The following DGKB variants were observed in gnomAD, a reference collection of about 807,000 sequenced individuals.
The protein encoded by DGKB is diacylglycerol kinase beta.
Under a neutral mutation model 114.3 loss-of-function variants are expected in DGKB, and 67 were observed. The ratio of observed to expected loss-of-function variants is 0.59; its 90% CI spans 0.48 to 0.72. The LOEUF is 0.72. Among genes scored for constraint, DGKB ranks in the 30% least tolerant of loss-of-function variants. The probability of loss-of-function intolerance (pLI) is 0.00; values close to 1 mark genes in which losing one functional copy is unlikely to be tolerated. For missense variants in DGKB, 907 were observed against 975.2 expected (o/e 0.93, Z 0.93); for synonymous variants, 398 against 323.1 (o/e 1.23, Z -2.49).
chr7:14,828,731 G>T (rs1187954490), intron 2 of DGKB, among the ~76,000 whole-genome samples: 1 of 152,134 alleles, frequency 6.6e-6, no homozygotes, highest in Non-Finnish European at 1.5e-5. Context: ...TAAAGTTTCT[G>T]CATTAACAGA....
chr7:14,684,894 G>T (rs1821409812), intron 10 of DGKB, among the ~76,000 whole-genome samples: 1 of 151,870 alleles, frequency 6.6e-6, no homozygotes, highest in Non-Finnish European at 1.5e-5. Context: ...TCACTAACAT[G>T]TGGGGAGGGG....
At chr7:14,333,835 A>G (rs1810174363) in intron 23 of DGKB, among the ~76,000 whole-genome samples, 2 of 152,202 alleles carry the variant, frequency 1.3e-5, no homozygotes, top group South Asian at 2.1e-4. Context: ...TCATGACATA[A>G]TGATACTTGC....
At chr7:14,169,187 GTC>G (rs1302279894) in intron 25 of DGKB, among the ~76,000 whole-genome samples, 1 of 134,394 alleles carries the variant, frequency 7.4e-6, no homozygotes, top group Non-Finnish European at 1.6e-5. Context: ...GTGAAACCCA[GTC>G]TCTACTAAAA....
intron 5 of DGKB, among the ~76,000 whole-genome samples, chr7:14,725,557 AT>A (rs113491345): frequency 2.2e-3 from 325 of 145,444 alleles, no homozygotes; most frequent in Middle Eastern, 7.2e-3. Flanking sequence ...GGATATGTTG[AT>A]TTTTTTTTTT....
chr7:14,155,273 G>A (rs564970862), intron 25 of DGKB, among the ~76,000 whole-genome samples: 6 of 152,162 alleles, frequency 3.9e-5, no homozygotes, highest in Admixed American at 6.6e-5. Flanking sequence ...TATTGTTAAT[G>A]TACTAGGTAC....
At chr7:14,574,745 C>T (rs1304018345) in intron 19 of DGKB, among the ~76,000 whole-genome samples, 1 of 152,132 alleles carries the variant, frequency 6.6e-6, no homozygotes. Context: ...CATCCTCTAC[C>T]CAGCTGCTAA....
At chr7:14,463,045 G>A (rs4272263) in intron 21 of DGKB, among the ~76,000 whole-genome samples, 66,078 of 151,928 alleles carry the variant, frequency 0.43, 14,827 homozygotes, top group African/African-American at 0.52. Flanking sequence ...CCATATGCAG[G>A]AAACTGAAAC....
intron 1 of DGKB, among the ~76,000 whole-genome samples, chr7:14,916,499 T>C (rs1784246492): frequency 6.6e-6 from 1 of 152,114 alleles, no homozygotes; most frequent in Non-Finnish European, 1.5e-5. Flanking sequence ...GGATTAACTG[T>C]ATTAATTTCA....
chr7:14,854,536 C>T (rs912991496), intron 1 of DGKB, among the ~76,000 whole-genome samples: 9 of 152,166 alleles, frequency 5.9e-5, no homozygotes, highest in African/African-American at 1.9e-4. Flanking sequence ...ATAAGGAGTA[C>T]ATAACCTAGA....
At chr7:14,515,871 G>A (rs1408396370) in intron 20 of DGKB, among the ~76,000 whole-genome samples, 1 of 152,096 alleles carries the variant, frequency 6.6e-6, no homozygotes, top group African/African-American at 2.4e-5. Flanking sequence ...TGAGAGAAAG[G>A]TCTTGCTCTG....
intron 20 of DGKB, among the ~76,000 whole-genome samples, chr7:14,526,719 A>T (rs1328327052): frequency 1.3e-5 from 2 of 152,196 alleles, no homozygotes; most frequent in South Asian, 2.1e-4. Context: ...ATGCATTTTC[A>T]TCAGACTGAT....
intron 23 of DGKB, among the ~76,000 whole-genome samples, chr7:14,329,879 G>A (rs1296830516): frequency 6.6e-6 from 1 of 151,890 alleles, no homozygotes; most frequent in African/African-American, 2.4e-5. Flanking sequence ...TGTTTTATAT[G>A]TCTACCACTG....
rs368578062 is a variant in DGKB, at chr7:14,285,182, T to C, written c.2122+53333A>G. On this transcript the variant is annotated intron_variant, in intron 23 of 25. Transcript: ENST00000402815. The stretch of plus-strand genomic sequence containing the variant: ...CCTATTTCCTAATATATGCATCTCA[T>C]TGATTTGACCATATAGGTATACTCT... Among the ~76,000 whole-genome samples the C allele has an allele frequency of 1.7e-4, 26 of 152,288 alleles. No homozygotes were observed. In the East Asian group the frequency reaches 4.4e-3, roughly 26 times the overall value.
chr7:14,561,841 G>A (rs114772106), intron 20 of DGKB, among the ~76,000 whole-genome samples: 2,943 of 152,304 alleles, frequency 0.019, 76 homozygotes, highest in African/African-American at 0.067. Flanking sequence ...TCCATTTTCG[G>A]GGGAGAAATT....
Position 14,351,863 on chromosome 7 carries a change from G to A in DGKB, c.1836-6472C>T, listed in dbSNP as rs369053254. On this transcript the variant is annotated intron_variant, in intron 21 of 25. Transcript: ENST00000402815. ...GAAAGAACTCCATTTTATTTAAACCGCTAAACTCAGGCTTTTTTGTTCACA... is the reference window on the plus strand; with the variant it reads ...GAAAGAACTCCATTTTATTTAAACCACTAAACTCAGGCTTTTTTGTTCACA... Among the ~76,000 whole-genome samples, 61 of 152,044 alleles carry A rather than the reference G, an allele frequency of 4.0e-4. No homozygotes were observed. The South Asian group carries it at 0.011, about 28-fold the overall frequency.
At chr7:14,778,356 G>T (rs1838532590) in intron 2 of DGKB, among the ~76,000 whole-genome samples, 1 of 150,478 alleles carries the variant, frequency 6.6e-6, no homozygotes, top group Non-Finnish European at 1.5e-5. Context: ...CTGTTTTCTT[G>T]TTTTTTTTTC....
At chr7:14,809,127 GT>G (rs890493428) in intron 2 of DGKB, among the ~76,000 whole-genome samples, 4 of 152,132 alleles carry the variant, frequency 2.6e-5, no homozygotes, top group African/African-American at 9.6e-5. Flanking sequence ...TATAAAACAA[GT>G]TTAAAAAAGC....
chr7:14,399,798 G>A, intron 21 of DGKB, among the ~76,000 whole-genome samples: 1 of 151,810 alleles, frequency 6.6e-6, no homozygotes. Flanking sequence ...TTCTCAAAAA[G>A]AGACAGAATA....
At position 14,409,256 on chromosome 7, in the gene DGKB, C is replaced by T. The variant is rs111967787; in HGVS notation, c.1836-63865G>A. Among the ~76,000 whole-genome samples the T allele has an allele frequency of 1.1e-3, 160 of 152,166 alleles. 2 individuals are homozygous for T. The highest frequency in any genetic ancestry group is 3.6e-3 in the African/African-American group (150 of 41,532). On this transcript the variant is annotated intron_variant, in intron 21 of 25. Coordinates refer to ENST00000402815, the MANE Select transcript of DGKB (RefSeq NM_001350709.2). ...AGCAGTTCCTTTCTCTAGTAAATTC[C>T]GTAGCACAGTAAAAAGCCATCATTC...
Sources: gnomAD v4.1 joint callset for allele counts (sites outside exome capture counted in the v4.1 genomes callset) on GRCh38, gnomAD v4.1.1 for gene constraint, MANE v1.5 for transcripts, NCBI Gene and HGNC (gene_info 2026-07-23, HGNC 2026-07-21) for gene names.